Variants in GNA11 observed in about 807,000 individuals in gnomAD.
The protein encoded by GNA11 is G protein subunit alpha 11.
A neutral mutation model predicts 38.2 loss-of-function variants in GNA11; 8 were observed. The ratio of observed to expected loss-of-function variants is 0.21; its 90% CI spans 0.12 to 0.38. The LOEUF (loss-of-function observed/expected upper bound fraction) is 0.38. GNA11 is among the 10% of genes least tolerant of loss of function. The probability of loss-of-function intolerance (pLI) is 1.00; values close to 1 mark genes in which losing one functional copy is unlikely to be tolerated. For missense variants in GNA11, 268 were observed against 516.3 expected, an observed-to-expected ratio of 0.52 and a Z score of 4.66; for synonymous variants, 211 against 221.4, an observed-to-expected ratio of 0.95 and a Z score of 0.42.
rs1309257947 is a variant in GNA11, at chr19:3,123,517, T to G, written c.*2338T>G. 4.3e-6 allele frequency: 1 copy of G among 232,992 alleles called. No individual in the cohort carries two copies. Among genetic ancestry groups the G allele is most frequent in the Admixed American group, 5.6e-5 (1 of 17,782 alleles). 14.4% of individuals were successfully genotyped at this position (232,992 alleles called of 1,614,324 possible). On this transcript the variant is annotated 3_prime_UTR_variant, in exon 7 of 7. Transcript: ENST00000078429. ...CCACGTGGGCATGTGGGGTGTGTGT[T>G]TTTACCTTGGTGAATCTCACCTGCC...
At chr19:3,098,627 G>A (rs115780392) in intron 1 of GNA11, among the ~76,000 whole-genome samples, 1 of 152,192 alleles carries the variant, frequency 6.6e-6, no homozygotes, top group African/African-American at 2.4e-5. Context: ...TCCGGCCTGC[G>A]CCAGCCCCCA....
At chr19:3,101,109 G>T (rs1235523234) in intron 1 of GNA11, among the ~76,000 whole-genome samples, 1 of 152,192 alleles carries the variant, frequency 6.6e-6, no homozygotes, top group Non-Finnish European at 1.5e-5. Flanking sequence ...TTTCTCTTCT[G>T]TCAAACTGTG....
rs1485578026 is a variant in GNA11 at position 3,094,528 on chromosome 19, C to G, written c.-124C>G. On this transcript the variant is annotated 5_prime_UTR_variant, in exon 1 of 7. Coordinates refer to ENST00000078429, the MANE Select transcript of GNA11 (RefSeq NM_002067.5). The surrounding 1 kb of genome is among the most constrained non-coding windows in gnomAD (Gnocchi z 6.0). ...GAGGCGGGGCGGGCCGGCCCGGGGC[C>G]GAGGGCCGGTGGCCGAGGCCGGAGG... 6 of 199,470 alleles carry G rather than the reference C, an allele frequency of 3.0e-5. No individual in the cohort carries two copies. The highest frequency in any genetic ancestry group is 1.5e-4 in the African/African-American group (6 of 40,380). The allele number at this position is 199,470 out of a possible 1,614,324, so 12.4% of individuals were successfully genotyped here. A position where few individuals can be genotyped will look rare whatever the true frequency, so the allele number is the denominator to read the frequency against.
In GNA11 at chr19:3,113,492, C is replaced by A; in HGVS notation, c.476+8C>A. On this transcript the variant is annotated splice_region_variant and intron_variant, in intron 3 of 6. Transcript: ENST00000078429. Reference sequence around the variant, plus strand: ...CTCCGACTCTGCCAAGTAGTAAGTGCGGCCGCACCGCTGGCGGCCTGGGGA... The same window carrying A: ...CTCCGACTCTGCCAAGTAGTAAGTGAGGCCGCACCGCTGGCGGCCTGGGGA... 6.4e-7 allele frequency: 1 copy of A among 1,562,600 alleles called. No individual in the cohort carries two copies. Among genetic ancestry groups the A allele is most frequent in the Non-Finnish European group, 8.7e-7 (1 of 1,152,990 alleles).
intron 4 of GNA11, chr19:3,118,578 A>T (rs1913983109): frequency 3.6e-6 from 1 of 275,634 alleles, no homozygotes; most frequent in African/African-American, 2.2e-5. Context: ...TCAGGGTGAC[A>T]TCCAGATGCC....
chr19:3,094,734 A>T lies in GNA11; in HGVS notation c.83A>T (p.Gln28Leu). The T allele has an allele frequency of 6.3e-7, 1 of 1,591,026 alleles. No homozygotes were observed. Among genetic ancestry groups the T allele is most frequent in the Non-Finnish European group, 8.5e-7 (1 of 1,170,660 alleles). Residue 28 changes from glutamine (Q) to leucine (L), a missense_variant, in exon 1 of 7, where the codon CAG becomes CTG. Physicochemically the swap from Gln to Leu is moderately radical, Grantham distance 113. Transcript: ENST00000078429. This position sits in a 1 kb window ranked among gnomAD's most constrained non-coding sequence, Gnocchi z 6.0. Reference sequence around the variant, plus strand: ...CGGATCAACGCCGAGATCGAGAAGCAGCTGCGGCGGGACAAGCGCGACGCC... The same window carrying T: ...CGGATCAACGCCGAGATCGAGAAGCTGCTGCGGCGGGACAAGCGCGACGCC... ...SKRINAEIEKQLRRDKRDARR... is the reference protein window; with the variant it reads ...SKRINAEIEKLLRRDKRDARR...
At chr19:3,112,317 G>A (rs576244348) in intron 2 of GNA11, among the ~76,000 whole-genome samples, 1 of 152,338 alleles carries the variant, frequency 6.6e-6, no homozygotes, top group South Asian at 2.1e-4. Flanking sequence ...GGAGTCCGGG[G>A]CAGGGAGCGT....
At position 3,113,337 on chromosome 19, in the gene GNA11, C is replaced by T. The variant is rs759791665; in HGVS notation, c.329C>T (p.Ala110Val). Residue 110 changes from alanine to valine, a missense_variant, in exon 3 of 7, where the codon GCG (alanine) becomes GTG (valine). This residue lies in a region of GNA11 where 151 missense variants were observed against 254.0 expected (regional missense o/e 0.59). Coordinates refer to ENST00000078429, the MANE Select transcript of GNA11 (RefSeq NM_002067.5). Reference protein sequence around the residue: ...LYKYEQNKANALLIREVDVEK... With the variant: ...LYKYEQNKANVLLIREVDVEK... ...CCCTGCCCGCCCTCGCAGGCCAATG[C>T]GCTCCTGATCCGGGAGGTGGACGTG... The T allele has an allele frequency of 1.9e-6, 3 of 1,613,188 alleles. No individual in the cohort carries two copies. The highest frequency in any genetic ancestry group is 1.7e-4 in the Middle Eastern group (1 of 6,054).
At chr19:3,102,170 G>A (rs308031) in intron 1 of GNA11, among the ~76,000 whole-genome samples, 54,430 of 151,912 alleles carry the variant, frequency 0.36, 10,600 homozygotes, top group Non-Finnish European at 0.45. Context: ...GACACCATCC[G>A]CTTCCAGTGG....
At chr19:3,100,572 G>A (rs768460166) in intron 1 of GNA11, among the ~76,000 whole-genome samples, 31 of 152,242 alleles carry the variant, frequency 2.0e-4, no homozygotes, top group Non-Finnish European at 4.3e-4. Flanking sequence ...GTGCACGCCA[G>A]GGGTCTCTGC....
chr19:3,100,205 C>T (rs1007536879), intron 1 of GNA11, among the ~76,000 whole-genome samples: 29 of 152,172 alleles, frequency 1.9e-4, no homozygotes, highest in African/African-American at 6.8e-4. Context: ...TACACTGGAT[C>T]GTTCTCTGGG....
intron 4 of GNA11, among the ~76,000 whole-genome samples, chr19:3,116,810 C>G (rs537273094): frequency 6.6e-6 from 1 of 152,190 alleles, no homozygotes; most frequent in African/African-American, 2.4e-5. Flanking sequence ...GCCAGGGTGT[C>G]CCCACCCAGC....
chr19:3,116,690 C>T (rs547835216), intron 4 of GNA11, among the ~76,000 whole-genome samples: 14 of 152,358 alleles, frequency 9.2e-5, no homozygotes, highest in African/African-American at 3.4e-4. Context: ...GTGTGGGGCG[C>T]TAGACGGCTC....
In GNA11 at chr19:3,094,938, C is replaced by T. The variant is rs1913327122; in HGVS notation, c.136+151C>T. The T allele has an allele frequency of 1.9e-6, 1 of 516,258 alleles. No individual in the cohort carries two copies. Among genetic ancestry groups the T allele is most frequent in the Non-Finnish European group, 3.3e-6 (1 of 305,218 alleles). 32.0% of individuals were successfully genotyped at this position (516,258 alleles called of 1,614,324 possible). A position where few individuals can be genotyped will look rare whatever the true frequency, so the allele number is the denominator to read the frequency against. ...CCGGGGTCAGCCCTGCCTGTGCCTT[C>T]CCTGCCTGTCCGGGTCGCGGGACCC... On this transcript the variant is annotated intron_variant, in intron 1 of 6. Transcript: ENST00000078429. The surrounding 1 kb of genome is among the most constrained non-coding windows in gnomAD (Gnocchi z 6.0).
At chr19:3,118,726 G>A in intron 4 of GNA11, 198 bp from the exon 5 acceptor site, 4 of 583,750 alleles carry the variant, frequency 6.9e-6, no homozygotes, top group East Asian at 2.8e-5. Context: ...GTGAGGGAAG[G>A]GTCTGCGGTG....
At chr19:3,102,986 G>A (rs1479157199) in intron 1 of GNA11, among the ~76,000 whole-genome samples, 2 of 152,148 alleles carry the variant, frequency 1.3e-5, no homozygotes, top group African/African-American at 4.8e-5. Flanking sequence ...CCTTGCTCCC[G>A]GTGTGTGCAC....
intron 1 of GNA11, among the ~76,000 whole-genome samples, chr19:3,096,046 G>T (rs1913356126): frequency 6.6e-6 from 1 of 152,138 alleles, no homozygotes; most frequent in African/African-American, 2.4e-5. Context: ...GGGGAAGGTC[G>T]GAAATGCGTG....
intron 1 of GNA11, among the ~76,000 whole-genome samples, chr19:3,101,678 C>T (rs1003960774): frequency 1.3e-5 from 2 of 152,160 alleles, no homozygotes; most frequent in African/African-American, 4.8e-5. Context: ...TGGAGATGTC[C>T]AGGCCAGTGC....
At chr19:3,114,116 C>T (rs917055209) in intron 3 of GNA11, among the ~76,000 whole-genome samples, 1 of 152,130 alleles carries the variant, frequency 6.6e-6, no homozygotes, top group African/African-American at 2.4e-5. Flanking sequence ...CAGGGACAGG[C>T]CTGTCCCCCG....
Sources: allele counts gnomAD v4.1 joint callset (sites outside exome capture counted in the v4.1 genomes callset), GRCh38; gene constraint gnomAD v4.1.1; regional missense constraint gnomAD v4.1.1; non-coding constraint Gnocchi (gnomAD v3.1); transcripts MANE v1.5; gene names NCBI Gene and HGNC (gene_info 2026-07-23, HGNC 2026-07-21).